Variants in DEPTOR observed in about 807,000 individuals in gnomAD.
The protein encoded by DEPTOR is DEP domain containing MTOR interacting protein, also known as DEP domain-containing mTOR-interacting protein.
DEPTOR carries 41 observed loss-of-function variants against 41.6 expected under a neutral mutation model. That is an observed-to-expected ratio of 0.98 (90% CI 0.77 to 1.28). DEPTOR has a LOEUF of 1.28. Ranked by LOEUF, DEPTOR falls within the 50% of genes most tolerant of loss-of-function variation. DEPTOR has a pLI of 0.00. For synonymous variants in DEPTOR, 195 were observed against 192.3 expected (o/e 1.01, Z -0.12); for missense variants, 514 against 527.9 (o/e 0.97, Z 0.26).
intron 1 of DEPTOR, among the ~76,000 whole-genome samples, chr8:119,896,627 G>A (rs1449214375): frequency 6.6e-6 from 1 of 152,138 alleles, no homozygotes; most frequent in Non-Finnish European, 1.5e-5. Flanking sequence ...GGCCTCACGA[G>A]TAGCTGGGAT....
intron 8 of DEPTOR, among the ~76,000 whole-genome samples, chr8:120,047,973 G>A (rs1440519147): frequency 6.6e-6 from 1 of 151,868 alleles, no homozygotes; most frequent in Non-Finnish European, 1.5e-5. Context: ...TTGAGCCTGG[G>A]AGATGGAGGA....
chr8:119,889,065 A>G (rs1232850953), intron 1 of DEPTOR, among the ~76,000 whole-genome samples: 1 of 151,908 alleles, frequency 6.6e-6, no homozygotes, highest in Non-Finnish European at 1.5e-5. Context: ...TTTGTACACA[A>G]TAACTTTAAT....
chr8:119,987,841 C>G lies in DEPTOR; in HGVS notation c.605-13684C>G, dbSNP rs555548888. ...GTGAGGGGAAAACCACCTACTCAAG[C>G]CTCAGTAATGGCAGACACCCTTCCC... On this transcript the variant is annotated intron_variant, in intron 4 of 8. Transcript: ENST00000286234. Among the ~76,000 whole-genome samples the G allele has an allele frequency of 3.9e-5, 6 of 152,246 alleles. No individual in the cohort carries two copies. In the South Asian group the frequency reaches 1.2e-3, roughly 32 times the overall value.
chr8:119,968,077 G>T (rs550967122), intron 4 of DEPTOR, among the ~76,000 whole-genome samples: 1 of 152,294 alleles, frequency 6.6e-6, no homozygotes, highest in African/African-American at 2.4e-5. Context: ...CACAGTGCTG[G>T]TGTGATCCCT....
rs550386855 is a variant in DEPTOR at position 119,948,620 on chromosome 8, T to A, written c.426-16612T>A. 3.9e-5 allele frequency among the ~76,000 whole-genome samples: 6 copies of A among 152,182 alleles called. No individual in the cohort carries two copies. The South Asian group carries it at 1.2e-3, about 32-fold the overall frequency. On this transcript the variant is annotated intron_variant, in intron 3 of 8. Coordinates refer to ENST00000286234, the MANE Select transcript of DEPTOR (RefSeq NM_022783.4). ...TTTGTTTATAGTATAATCACAGATG[T>A]ATGCAACCATTACGACAGTCAATTT...
intron 1 of DEPTOR, among the ~76,000 whole-genome samples, chr8:119,912,141 G>T (rs1827753598): frequency 6.6e-6 from 1 of 152,124 alleles, no homozygotes. Flanking sequence ...ATTTGAATTT[G>T]GTGGATAAAT....
intron 3 of DEPTOR, among the ~76,000 whole-genome samples, chr8:119,938,662 A>G (rs1465776229): frequency 2.0e-5 from 3 of 152,064 alleles, no homozygotes. Context: ...ACAGGTGTGC[A>G]TTACCACACC....
At chr8:120,019,402 C>T (rs1812661813) in intron 8 of DEPTOR, among the ~76,000 whole-genome samples, 1 of 152,214 alleles carries the variant, frequency 6.6e-6, no homozygotes, top group Non-Finnish European at 1.5e-5. Context: ...AATCAGAACA[C>T]AGAACACATC....
In DEPTOR at chr8:119,913,735, G is replaced by A. The variant is rs1429737083; in HGVS notation, c.123-14665G>A. On this transcript the variant is annotated intron_variant, in intron 1 of 8. Transcript: ENST00000286234. ...TCCTCAGGAAGCTGAGGTCTTAGTT[G>A]GGTGAGAGGTCTCCCCAGGCCATGT... is the stretch of plus-strand genomic sequence containing the variant. Among the ~76,000 whole-genome samples, 8 of 152,244 alleles carry A rather than the reference G, an allele frequency of 5.3e-5. No individual in the cohort carries two copies. In the East Asian group the frequency reaches 1.5e-3, roughly 29 times the overall value.
chr8:119,970,644 T>C (rs1198772594), intron 4 of DEPTOR, among the ~76,000 whole-genome samples: 3 of 152,186 alleles, frequency 2.0e-5, no homozygotes, highest in Non-Finnish European at 4.4e-5. Flanking sequence ...TGAGAGTTTG[T>C]TTTTTCAGAG....
chr8:119,921,747 A>AT (rs1827896534), intron 1 of DEPTOR, among the ~76,000 whole-genome samples: 3 of 132,526 alleles, frequency 2.3e-5, no homozygotes, highest in African/African-American at 6.0e-5. Flanking sequence ...TCTATTCTGT[A>AT]GTTTTTTTTT....
chr8:119,993,876 G>A (rs899175006), intron 4 of DEPTOR, among the ~76,000 whole-genome samples: 6 of 151,922 alleles, frequency 3.9e-5, no homozygotes, highest in Admixed American at 1.3e-4. Context: ...TCAGGCTGAG[G>A]CCGGGTGCGG....
intron 4 of DEPTOR, among the ~76,000 whole-genome samples, chr8:119,982,891 C>G (rs996391611): frequency 6.6e-6 from 1 of 152,220 alleles, no homozygotes; most frequent in South Asian, 2.1e-4. Context: ...GGAAGGCAGT[C>G]GGTGACTCAT....
chr8:119,903,675 T>C (rs1456013838), intron 1 of DEPTOR, among the ~76,000 whole-genome samples: 4 of 152,258 alleles, frequency 2.6e-5, no homozygotes, highest in Middle Eastern at 3.4e-3. Context: ...AGAGTACTTA[T>C]GGGGAATCCA....
intron 1 of DEPTOR, among the ~76,000 whole-genome samples, chr8:119,887,821 T>C (rs2129701257): frequency 6.6e-6 from 1 of 151,372 alleles, no homozygotes; most frequent in Middle Eastern, 3.4e-3. Flanking sequence ...TCTCTTTCTT[T>C]CTTTGTTTTG....
At chr8:119,884,150 C>G (rs2129685666) in intron 1 of DEPTOR, among the ~76,000 whole-genome samples, 1 of 152,280 alleles carries the variant, frequency 6.6e-6, no homozygotes, top group Admixed American at 6.5e-5. Flanking sequence ...CTCCGGTTCC[C>G]AGGTTCAAGC....
At chr8:119,996,606 G>A (rs1008748024) in intron 4 of DEPTOR, among the ~76,000 whole-genome samples, 3 of 152,134 alleles carry the variant, frequency 2.0e-5, no homozygotes, top group Admixed American at 6.6e-5. Flanking sequence ...ACTAAACACT[G>A]GGTCAGTAAT....
intron 4 of DEPTOR, among the ~76,000 whole-genome samples, chr8:120,000,525 C>T (rs1172963611): frequency 6.6e-6 from 1 of 152,036 alleles, no homozygotes; most frequent in African/African-American, 2.4e-5. Context: ...TGCAGTGGTG[C>T]AATCTCAGCT....
rs372461375 is a variant in DEPTOR at position 119,965,261 on chromosome 8, A to G, written c.455A>G (p.Gln152Arg). Residue 152 changes from glutamine (Q) to arginine (R), a missense_variant, in exon 4 of 9, where the codon CAG (glutamine) becomes CGG (arginine). By Grantham distance (43) the Gln-to-Arg change is conservative. Transcript: ENST00000286234. The stretch of plus-strand genomic sequence containing the variant: ...ATGAGCCCTGAAAACACACTCCTGC[A>G]GCCCAGGGAGGAGGAAGGGGTCAAG... ...KLMSPENTLL[Q>R]PREEEGVKYE... The G allele has an allele frequency of 6.2e-7, 1 of 1,613,910 alleles. No individual in the cohort carries two copies. Among genetic ancestry groups the G allele is most frequent in the Non-Finnish European group, 8.5e-7 (1 of 1,179,978 alleles).
Sources: allele counts gnomAD v4.1 joint callset (sites outside exome capture counted in the v4.1 genomes callset), GRCh38; gene constraint gnomAD v4.1.1; transcripts MANE v1.5; gene names NCBI Gene and HGNC (gene_info 2026-07-23, HGNC 2026-07-21).